Variants in APPBP2 observed in about 807,000 individuals in gnomAD.
APPBP2 encodes amyloid beta precursor protein binding protein 2.
A neutral mutation model predicts 76.0 loss-of-function variants in APPBP2; 15 were observed. The ratio of observed to expected loss-of-function variants is 0.20; its 90% CI spans 0.13 to 0.30. The LOEUF (loss-of-function observed/expected upper bound fraction) is 0.30. Among genes scored for constraint, APPBP2 ranks in the 10% least tolerant of loss-of-function variants. The pLI is 1.00. For missense variants in APPBP2, 401 were observed against 687.2 expected (o/e 0.58, Z 4.66); for synonymous variants, 222 against 242.2 (o/e 0.92, Z 0.77).
intron 4 of APPBP2, among the ~76,000 whole-genome samples, chr17:60,477,199 G>A (rs1042868109): frequency 6.6e-6 from 1 of 152,200 alleles, no homozygotes; most frequent in African/African-American, 2.4e-5. Context: ...AGGAAGGAGA[G>A]AAGGAGACTG....
chr17:60,464,210 G>A, intron 5 of APPBP2, 100 bp from the exon 6 acceptor site: 2 of 751,096 alleles, frequency 2.7e-6, no homozygotes, highest in South Asian at 3.3e-5. Flanking sequence ...ACTTAAATAA[G>A]AACACACACA....
chr17:60,491,549 A>T (rs1170891636), intron 3 of APPBP2, among the ~76,000 whole-genome samples: 3 of 151,986 alleles, frequency 2.0e-5, no homozygotes, highest in African/African-American at 7.3e-5. Context: ...GGTTCAAGTG[A>T]TTCTCCTGCC....
rs560288475 is a variant in APPBP2, at chr17:60,454,545, G to C, written c.1148-53C>G. 281 of 1,170,214 alleles carry C rather than the reference G, an allele frequency of 2.4e-4. 5 individuals are homozygous for C. The South Asian group carries it at 4.5e-3, about 19-fold the overall frequency. 72.5% of individuals were successfully genotyped at this position (1,170,214 alleles called of 1,614,324 possible). A position where few individuals can be genotyped will look rare whatever the true frequency, so the allele number is the denominator to read the frequency against. On this transcript the variant is annotated intron_variant, in intron 10 of 12. Transcript: ENST00000083182. ...ACTTCAAAACCATCTACCAAAGCTA[G>C]TAAGAACATCTAATTTAAACTTAAA...
intron 8 of APPBP2, 108 bp downstream of exon 8, chr17:60,461,702 G>C (rs933168170): frequency 2.8e-6 from 2 of 703,302 alleles, no homozygotes; most frequent in Non-Finnish European, 4.9e-6. Context: ...ATTGGTGGGC[G>C]GGGTAGTTGT....
chr17:60,474,198 GT>G (rs1776290464), intron 4 of APPBP2, among the ~76,000 whole-genome samples: 1 of 150,130 alleles, frequency 6.7e-6, no homozygotes, highest in Non-Finnish European at 1.5e-5. Flanking sequence ...TTGAGACAGA[GT>G]TTTGCTCGTC....
intron 6 of APPBP2, 56 bp from the exon 7 acceptor site, chr17:60,462,117 T>C (rs2090479924): frequency 7.5e-7 from 1 of 1,325,246 alleles, no homozygotes; most frequent in South Asian, 1.2e-5. Flanking sequence ...TGTGCTAAAA[T>C]ACGTGTAGTT....
chr17:60,482,128 A>G (rs7212364), intron 3 of APPBP2, among the ~76,000 whole-genome samples: 12,496 of 152,114 alleles, frequency 0.082, 1,704 homozygotes, highest in African/African-American at 0.28. Context: ...AGATCCGCCC[A>G]CCTCAGCCTC....
chr17:60,479,493 T>C (rs185651575), intron 3 of APPBP2, among the ~76,000 whole-genome samples: 5 of 152,330 alleles, frequency 3.3e-5, no homozygotes, highest in Admixed American at 1.3e-4. Context: ...AGTCAAAAGT[T>C]TGAACCTTCT....
chr17:60,449,553 G>A (rs1361447572), intron 12 of APPBP2, among the ~76,000 whole-genome samples: 6 of 152,164 alleles, frequency 3.9e-5, no homozygotes, highest in South Asian at 2.1e-4. Flanking sequence ...CTAAGACCAC[G>A]CCACTGCATA....
At chr17:60,509,989 T>C (rs1349989076) in intron 1 of APPBP2, among the ~76,000 whole-genome samples, 3 of 151,852 alleles carry the variant, frequency 2.0e-5, no homozygotes, top group Non-Finnish European at 4.4e-5. Context: ...TATTTAACTT[T>C]TTAAAAAAGG....
At chr17:60,520,967 T>C (rs1015141739) in intron 1 of APPBP2, among the ~76,000 whole-genome samples, 1 of 152,206 alleles carries the variant, frequency 6.6e-6, no homozygotes, top group African/African-American at 2.4e-5. Context: ...TTGCCCAGGC[T>C]GGAGTGCAGT....
At chr17:60,457,950 G>C (rs7226087) in intron 9 of APPBP2, among the ~76,000 whole-genome samples, 12,488 of 152,074 alleles carry the variant, frequency 0.082, 1,699 homozygotes, top group African/African-American at 0.28. Context: ...TTAGCAGTCA[G>C]TCTCCATTTC....
At position 60,525,876 on chromosome 17, in the gene APPBP2, G is replaced by C; in HGVS notation, c.56C>G (p.Ser19Cys). Reference protein sequence around the residue: ...IPETLYNTAISAVVDNYIRSR... With the variant: ...IPETLYNTAICAVVDNYIRSR... ...GCGGATGTAGTTGTCCACGACAGCG[G>C]AGATGGCGGTGTTATAGAGAGTCTC... Residue 19 changes from serine to cysteine, a missense_variant, in exon 1 of 13, where the codon TCC becomes TGC. Ser to Cys is a moderately radical substitution (Grantham distance 112, BLOSUM62 -1). Coordinates refer to ENST00000083182, the MANE Select transcript of APPBP2 (RefSeq NM_006380.5). The C allele has an allele frequency of 6.2e-7, 1 of 1,614,156 alleles. No individual in the cohort carries two copies. The highest frequency in any genetic ancestry group is 8.5e-7 in the Non-Finnish European group (1 of 1,180,032).
intron 5 of APPBP2, 103 bp from the exon 6 acceptor site, chr17:60,464,213 C>G: frequency 1.3e-6 from 1 of 742,112 alleles, no homozygotes; most frequent in Non-Finnish European, 2.3e-6. Flanking sequence ...TAAATAAGAA[C>G]ACACACAAAA....
At chr17:60,511,382 C>G (rs1273598101) in intron 1 of APPBP2, among the ~76,000 whole-genome samples, 2 of 151,952 alleles carry the variant, frequency 1.3e-5, no homozygotes, top group Non-Finnish European at 2.9e-5. Flanking sequence ...GTCAGGAGAT[C>G]GAGACCATCC....
At chr17:60,484,560 T>C (rs1045306724) in intron 3 of APPBP2, among the ~76,000 whole-genome samples, 4 of 152,198 alleles carry the variant, frequency 2.6e-5, no homozygotes, top group African/African-American at 9.7e-5. Flanking sequence ...CTTGTGATTT[T>C]TGCACTTTGA....
At position 60,463,482 on chromosome 17, in the gene APPBP2, A is replaced by T. The variant is rs528763091; in HGVS notation, c.762+539T>A. Among the ~76,000 whole-genome samples the T allele has an allele frequency of 1.8e-4, 28 of 152,332 alleles. 1 individual carries two copies. In the South Asian group the frequency reaches 4.8e-3, roughly 26 times the overall value. Reference sequence around the variant, plus strand: ...ATAGTGAGACCCTGTCTCTATTTAAAATAAAATAAAAATGTAAAAGATTTA... The same window carrying T: ...ATAGTGAGACCCTGTCTCTATTTAATATAAAATAAAAATGTAAAAGATTTA... On this transcript the variant is annotated intron_variant, in intron 6 of 12. Coordinates refer to ENST00000083182, the MANE Select transcript of APPBP2 (RefSeq NM_006380.5).
intron 4 of APPBP2, among the ~76,000 whole-genome samples, chr17:60,466,947 T>G (rs1215584205): frequency 6.6e-6 from 1 of 152,244 alleles, no homozygotes; most frequent in Non-Finnish European, 1.5e-5. Flanking sequence ...ATAGCAGTAG[T>G]GTCAACTATT....
At chr17:60,490,970 G>T (rs938683222) in intron 3 of APPBP2, among the ~76,000 whole-genome samples, 1 of 152,084 alleles carries the variant, frequency 6.6e-6, no homozygotes, top group African/African-American at 2.4e-5. Flanking sequence ...GCATGAAAAT[G>T]AACTAATAAA....
Sources: allele counts gnomAD v4.1 joint callset (sites outside exome capture counted in the v4.1 genomes callset), GRCh38; gene constraint gnomAD v4.1.1; transcripts MANE v1.5; gene names NCBI Gene and HGNC (gene_info 2026-07-23, HGNC 2026-07-21).